ACVR1: variants seen among roughly 807,000 people sequenced by gnomAD.
ACVR1 encodes the protein activin A receptor type 1.
ACVR1 carries 38 observed loss-of-function variants against 57.1 expected under a neutral mutation model. The observed-to-expected ratio is 0.67, with a 90% CI of 0.51 to 0.87. The LOEUF (loss-of-function observed/expected upper bound fraction) is 0.87, where lower values mean the gene tolerates loss of function less well. ACVR1 is among the 40% of genes least tolerant of loss of function. The pLI, the probability that ACVR1 is intolerant of heterozygous loss-of-function variation, is 0.00. For missense variants in ACVR1, 463 were observed against 638.2 expected, an observed-to-expected ratio of 0.73 and a Z score of 2.96; for synonymous variants, 212 against 228.1, an observed-to-expected ratio of 0.93 and a Z score of 0.63.
At chr2:157,856,335 A>T (rs1161662203) in intron 1 of ACVR1, among the ~76,000 whole-genome samples, 2 of 151,852 alleles carry the variant, frequency 1.3e-5, no homozygotes, top group African/African-American at 2.4e-5. Context: ...TCAACTATTC[A>T]CTCACTCAAA....
intron 8 of ACVR1, among the ~76,000 whole-genome samples, chr2:157,763,439 C>T (rs960693535): frequency 1.3e-5 from 2 of 152,058 alleles, no homozygotes; most frequent in Admixed American, 6.5e-5. Flanking sequence ...GAAAAACAGA[C>T]GAGGCACAGT....
At chr2:157,769,761 C>T (rs1420391381) in intron 7 of ACVR1, among the ~76,000 whole-genome samples, 2 of 152,190 alleles carry the variant, frequency 1.3e-5, no homozygotes, top group East Asian at 1.9e-4. Flanking sequence ...CTTAGAGAAA[C>T]TTTTCAAAAA....
chr2:157,848,095 G>T (rs1689178474), intron 1 of ACVR1, among the ~76,000 whole-genome samples: 1 of 152,134 alleles, frequency 6.6e-6, no homozygotes, highest in African/African-American at 2.4e-5. Flanking sequence ...AAGGACACTG[G>T]GGAAAACTAA....
chr2:157,846,191 G>A (rs2105360101), intron 1 of ACVR1, among the ~76,000 whole-genome samples: 1 of 152,322 alleles, frequency 6.6e-6, no homozygotes, highest in East Asian at 1.9e-4. Flanking sequence ...AGAAGGCAGT[G>A]AGACGATGGA....
At chr2:157,827,224 T>G (rs1688416699) in intron 1 of ACVR1, among the ~76,000 whole-genome samples, 1 of 152,282 alleles carries the variant, frequency 6.6e-6, no homozygotes, top group Non-Finnish European at 1.5e-5. Flanking sequence ...CAATCAATAT[T>G]ATTTTTTATT....
chr2:157,799,346 G>T, intron 3 of ACVR1, 81 bp downstream of exon 3: 1 of 923,022 alleles, frequency 1.1e-6, no homozygotes, highest in Admixed American at 1.8e-5. Flanking sequence ...AGTTTGATAG[G>T]CTTAAGAAGT....
chr2:157,746,974 A>G (rs1347644735), intron 9 of ACVR1, among the ~76,000 whole-genome samples: 1 of 151,272 alleles, frequency 6.6e-6, no homozygotes, highest in Non-Finnish European at 1.5e-5. Flanking sequence ...TAAAATTCCA[A>G]TAAAAAATAT....
intron 9 of ACVR1, among the ~76,000 whole-genome samples, chr2:157,759,502 T>C (rs539477036): frequency 6.6e-6 from 1 of 152,212 alleles, no homozygotes; most frequent in South Asian, 2.1e-4. Flanking sequence ...TGGATGGCTT[T>C]ACTGCTGAAT....
intron 1 of ACVR1, among the ~76,000 whole-genome samples, chr2:157,843,289 A>T (rs572128319): frequency 3.3e-5 from 5 of 152,212 alleles, no homozygotes; most frequent in Non-Finnish European, 7.3e-5. Context: ...TCTAAATCCC[A>T]CAAGTTAGAC....
intron 1 of ACVR1, among the ~76,000 whole-genome samples, chr2:157,844,249 T>C (rs1435460278): frequency 3.3e-5 from 5 of 152,186 alleles, no homozygotes; most frequent in Admixed American, 2.0e-4. Context: ...CCAGTGAAGA[T>C]GAAGACTGCC....
At chr2:157,806,200 C>G (rs369320599) in intron 2 of ACVR1, among the ~76,000 whole-genome samples, 100 of 152,232 alleles carry the variant, frequency 6.6e-4, no homozygotes, top group African/African-American at 2.3e-3. Flanking sequence ...TCTTAAAGAA[C>G]AACCTTTACT....
At chr2:157,846,041 T>C (rs1484262657) in intron 1 of ACVR1, among the ~76,000 whole-genome samples, 1 of 152,252 alleles carries the variant, frequency 6.6e-6, no homozygotes, top group African/African-American at 2.4e-5. Flanking sequence ...TGTTATCTTA[T>C]GTGACAAAGG....
intron 1 of ACVR1, among the ~76,000 whole-genome samples, chr2:157,866,877 G>C (rs1689959198): frequency 6.6e-6 from 1 of 152,152 alleles, no homozygotes; most frequent in East Asian, 1.9e-4. Flanking sequence ...TTATCATTCA[G>C]ACCTCAACCC....
At chr2:157,746,542 T>C (rs1432195055) in intron 9 of ACVR1, among the ~76,000 whole-genome samples, 2 of 152,340 alleles carry the variant, frequency 1.3e-5, no homozygotes, top group African/African-American at 4.8e-5. Context: ...TGCTAATGTA[T>C]CCAACCAAAT....
chr2:157,814,881 C>G (rs188667377), intron 2 of ACVR1, among the ~76,000 whole-genome samples: 1 of 152,130 alleles, frequency 6.6e-6, no homozygotes. Flanking sequence ...GTCAGGAGAT[C>G]GTGACCATCC....
At chr2:157,774,254 A>G in intron 5 of ACVR1, 67 bp from the exon 6 acceptor site, 1 of 1,270,920 alleles carries the variant, frequency 7.9e-7, no homozygotes, top group Admixed American at 1.7e-5. Flanking sequence ...GAGTATTAGC[A>G]TGCATGACAT....
At chr2:157,788,157 C>A (rs1686781170) in intron 3 of ACVR1, among the ~76,000 whole-genome samples, 1 of 152,210 alleles carries the variant, frequency 6.6e-6, no homozygotes, top group African/African-American at 2.4e-5. Context: ...GCTCCACAAC[C>A]TATCCTGCCC....
intron 8 of ACVR1, among the ~76,000 whole-genome samples, chr2:157,764,523 T>C (rs1221382465): frequency 2.6e-5 from 4 of 152,008 alleles, no homozygotes; most frequent in African/African-American, 9.7e-5. Context: ...CACACTGTTA[T>C]GCAAGTTTCT....
chr2:157,789,281 C>T (rs1397701452), intron 3 of ACVR1, among the ~76,000 whole-genome samples: 1 of 152,230 alleles, frequency 6.6e-6, no homozygotes, highest in Non-Finnish European at 1.5e-5. Context: ...CACAATCCCT[C>T]CCCTTCAATC....
Sources: allele counts gnomAD v4.1 joint callset (sites outside exome capture counted in the v4.1 genomes callset), GRCh38; gene constraint gnomAD v4.1.1; transcripts MANE v1.5; gene names NCBI Gene and HGNC (gene_info 2026-07-23, HGNC 2026-07-21).